The following ZNF536 variants were observed in gnomAD, a reference collection of about 807,000 sequenced individuals.
The protein encoded by ZNF536 is zinc finger protein 536.
In ZNF536, 13 loss-of-function variants were observed where a neutral mutation model predicts 84.5. The ratio of observed to expected loss-of-function variants is 0.15; its 90% CI spans 0.10 to 0.24. The LOEUF (loss-of-function observed/expected upper bound fraction) is 0.24. Among genes scored for constraint, ZNF536 ranks in the 10% least tolerant of loss-of-function variants. The probability of loss-of-function intolerance (pLI) is 1.00; values close to 1 mark genes in which losing one functional copy is unlikely to be tolerated. For missense variants in ZNF536, 1,536 were observed against 1,747.5 expected (o/e 0.88, Z 2.16); for synonymous variants, 811 against 742.5 (o/e 1.09, Z -1.50).
intron 1 of ZNF536, among the ~76,000 whole-genome samples, chr19:30,437,730 T>A (rs8112477): frequency 6.6e-6 from 1 of 151,992 alleles, no homozygotes; most frequent in East Asian, 1.9e-4. Context: ...TGTTTCTACA[T>A]TGGGGGGATG....
intron 3 of ZNF536, among the ~76,000 whole-genome samples, chr19:30,544,744 G>A (rs957152733): frequency 6.6e-6 from 1 of 152,232 alleles, no homozygotes; most frequent in African/African-American, 2.4e-5. Context: ...TTCTGAGTCA[G>A]TGGGTGACAA....
chr19:30,647,262 G>A (rs2049509949), intron 1 of ZNF536, among the ~76,000 whole-genome samples: 1 of 152,156 alleles, frequency 6.6e-6, no homozygotes, highest in Admixed American at 6.5e-5. Flanking sequence ...CTCAAGTCAA[G>A]CTTACTGGTG....
chr19:30,304,493 C>T (rs1299476222), intron 2 of ZNF536, among the ~76,000 whole-genome samples: 1 of 152,194 alleles, frequency 6.6e-6, no homozygotes, highest in Non-Finnish European at 1.5e-5. Context: ...TCCTGCCCAG[C>T]TCCTGCCCTC....
At chr19:30,617,119 T>TTTTTTA (rs896863541) in intron 1 of ZNF536, among the ~76,000 whole-genome samples, 1 of 151,642 alleles carries the variant, frequency 6.6e-6, no homozygotes, top group African/African-American at 2.4e-5. Flanking sequence ...AATAGCCTCC[T>TTTTTTA]TTTTTATTTT....
At chr19:30,670,168 G>C (rs2059282995) in intron 1 of ZNF536, among the ~76,000 whole-genome samples, 1 of 152,182 alleles carries the variant, frequency 6.6e-6, no homozygotes, top group Non-Finnish European at 1.5e-5. Context: ...AGTGCAATGG[G>C]GGAACGAATT....
chr19:30,467,890 C>T (rs2053481281), intron 2 of ZNF536, among the ~76,000 whole-genome samples: 1 of 152,240 alleles, frequency 6.6e-6, no homozygotes, highest in East Asian at 1.9e-4. Flanking sequence ...GTATAGCTCC[C>T]TCTCCTAACC....
At position 30,646,567 on chromosome 19, in the gene ZNF536, G is replaced by A. The variant is rs570373462; in HGVS notation, c.170-64190G>A. ...GATGTGTGACTTTGCCGGTCAGTGG[G>A]CACAGCTGTTGATCACGCACTGTCC... On this transcript the variant is annotated intron_variant, in intron 1 of 1. Coordinates refer to the ZNF536 transcript ENST00000592773. 7.2e-5 allele frequency among the ~76,000 whole-genome samples: 11 copies of A among 152,340 alleles called. No homozygotes were observed. In the South Asian group the frequency reaches 1.9e-3, roughly 26 times the overall value.
chr19:30,451,843 C>T lies in ZNF536; in HGVS notation c.2170+6111C>T, dbSNP rs561554445. ...AAGCTCTCCTCCCTATGCATGTTAG[C>T]GCAAGGGACGGAACAGTTCATTTAA... On this transcript the variant is annotated intron_variant, in intron 2 of 4. Coordinates refer to ENST00000355537, the MANE Select transcript of ZNF536 (RefSeq NM_014717.3). 2.0e-5 allele frequency among the ~76,000 whole-genome samples: 3 copies of T among 152,214 alleles called. No homozygotes were observed. In the East Asian group the frequency reaches 5.8e-4, roughly 29 times the overall value.
At chr19:30,363,720 C>T (rs1316845838) in intron 3 of ZNF536, among the ~76,000 whole-genome samples, 2 of 152,108 alleles carry the variant, frequency 1.3e-5, no homozygotes. Context: ...AATTGTTGTG[C>T]ACTTCCTCTG....
intron 1 of ZNF536, among the ~76,000 whole-genome samples, chr19:30,257,371 G>C (rs1223936488): frequency 6.6e-6 from 1 of 152,196 alleles, no homozygotes; most frequent in Non-Finnish European, 1.5e-5. Flanking sequence ...TCGAAGGTGG[G>C]GCAAATGTTT....
At chr19:30,559,318 A>G (rs954680190), downstream of ZNF536, among the ~76,000 whole-genome samples, 1 of 152,238 alleles carries the variant, frequency 6.6e-6, no homozygotes, top group Non-Finnish European at 1.5e-5. Flanking sequence ...GAATGACCCT[A>G]ACCTCCAGGC....
In ZNF536 at chr19:30,243,115, G is replaced by A. The variant is rs147559498; in HGVS notation, c.-190+14442G>A. ...TTGCTTAAATATTTCTCCTTCCTTC[G>A]CAAAAATCTATGATGAGTTAAAGGA... On this transcript the variant is annotated intron_variant, in intron 1 of 5. Coordinates refer to the ZNF536 transcript ENST00000585628. 1.7e-3 allele frequency among the ~76,000 whole-genome samples: 260 copies of A among 151,708 alleles called. 1 individual carries two copies. The highest frequency in any genetic ancestry group is 5.7e-3 in the African/African-American group (236 of 41,364).
At chr19:30,502,831 C>A (rs2055005817) in intron 2 of ZNF536, among the ~76,000 whole-genome samples, 1 of 152,070 alleles carries the variant, frequency 6.6e-6, no homozygotes, top group African/African-American at 2.4e-5. Context: ...TGCCCCCTGT[C>A]CCATTTAAAG....
At chr19:30,596,748 CT>C (rs925531035) in intron 1 of ZNF536, among the ~76,000 whole-genome samples, 1 of 151,172 alleles carries the variant, frequency 6.6e-6, no homozygotes, top group Non-Finnish European at 1.5e-5. Flanking sequence ...TTTAAGGAAA[CT>C]TTTTTTGCGA....
intron 3 of ZNF536, among the ~76,000 whole-genome samples, chr19:30,357,524 A>C (rs1054605913): frequency 1.3e-5 from 2 of 151,886 alleles, no homozygotes; most frequent in Non-Finnish European, 2.9e-5. Flanking sequence ...AGATGCTCCT[A>C]GGTGCCAGGA....
intron 2 of ZNF536, among the ~76,000 whole-genome samples, chr19:30,510,660 T>C (rs986689607): frequency 6.6e-6 from 1 of 152,186 alleles, no homozygotes; most frequent in African/African-American, 2.4e-5. Context: ...CTCTCCTCTA[T>C]GGTTGCAAGG....
At chr19:30,226,461 G>A (rs1010160255), upstream of ZNF536, among the ~76,000 whole-genome samples, 1 of 151,882 alleles carries the variant, frequency 6.6e-6, no homozygotes, top group Non-Finnish European at 1.5e-5. The surrounding 1 kb of genome is among the most constrained non-coding windows in gnomAD (Gnocchi z 4.6). Context: ...GGCGCCGAGA[G>A]CCGCTGAGAT....
upstream of ZNF536, among the ~76,000 whole-genome samples, chr19:30,225,978 C>T (rs1312078568): frequency 6.6e-6 from 1 of 151,748 alleles, no homozygotes; most frequent in Non-Finnish European, 1.5e-5. Flanking sequence ...ACCGAGCCGG[C>T]GGCTGCGGCC....
At chr19:30,709,201 G>C (rs117961832) in intron 1 of ZNF536, among the ~76,000 whole-genome samples, 3 of 152,194 alleles carry the variant, frequency 2.0e-5, no homozygotes, top group African/African-American at 7.2e-5. Context: ...TCCACCTCCT[G>C]TTCCAAATTA....
Sources: gnomAD v4.1 joint callset for allele counts (sites outside exome capture counted in the v4.1 genomes callset) on GRCh38, gnomAD v4.1.1 for gene constraint, Gnocchi (gnomAD v3.1) non-coding constraint, MANE v1.5 for transcripts, NCBI Gene and HGNC (gene_info 2026-07-23, HGNC 2026-07-21) for gene names.